The following UBR2 variants were observed in gnomAD, a reference collection of about 807,000 sequenced individuals.
UBR2 encodes the protein ubiquitin protein ligase E3 component n-recognin 2.
A neutral mutation model predicts 247.9 loss-of-function variants in UBR2; 92 were observed. The observed-to-expected ratio is 0.37, with a 90% CI of 0.31 to 0.44. The LOEUF is 0.44. Among genes scored for constraint, UBR2 ranks in the 20% least tolerant of loss-of-function variants. UBR2 has a pLI of 1.00. For missense variants in UBR2, 1,613 were observed against 2,112.6 expected, an observed-to-expected ratio of 0.76 and a Z score of 4.64; for synonymous variants, 672 against 693.5, an observed-to-expected ratio of 0.97 and a Z score of 0.49.
intron 11 of UBR2, among the ~76,000 whole-genome samples, chr6:42,629,372 G>T (rs1225416527): frequency 1.3e-5 from 2 of 151,546 alleles, no homozygotes; most frequent in Admixed American, 1.3e-4. Context: ...AATTAAGAAA[G>T]GCCAGGCACA....
In UBR2 at chr6:42,564,235, A is replaced by T. The variant is rs1266075699; in HGVS notation, c.-85A>T. The T allele has an allele frequency of 6.8e-7, 1 of 1,477,112 alleles. No homozygotes were observed. Among genetic ancestry groups the T allele is most frequent in the East Asian group, 2.4e-5 (1 of 41,230 alleles). The allele number at this position is 1,477,112 out of a possible 1,614,324, so 91.5% of individuals were successfully genotyped here. A position where few individuals can be genotyped will look rare whatever the true frequency, so the allele number is the denominator to read the frequency against. ...GGCTCCGGGACTGATTGCCTGGGGC[A>T]GGGGTGGCAGTCGAGGCCGCCGGGG... On this transcript the variant is annotated 5_prime_UTR_variant, in exon 1 of 47. Coordinates refer to ENST00000372901, the MANE Select transcript of UBR2 (RefSeq NM_001363705.2).
intron 4 of UBR2, among the ~76,000 whole-genome samples, chr6:42,595,846 A>G (rs1310486601): frequency 1.3e-5 from 2 of 152,082 alleles, no homozygotes; most frequent in Admixed American, 6.6e-5. Flanking sequence ...TGCTATGGAA[A>G]ACATGTTTTG....
chr6:42,650,807 A>G (rs1797068986), intron 23 of UBR2, among the ~76,000 whole-genome samples: 2 of 152,178 alleles, frequency 1.3e-5, no homozygotes, highest in Admixed American at 6.5e-5. Flanking sequence ...GTATATGGGT[A>G]TAGTTTTTTA....
chr6:42,640,570 G>A (rs1796383566), intron 16 of UBR2, among the ~76,000 whole-genome samples: 1 of 152,038 alleles, frequency 6.6e-6, no homozygotes, highest in South Asian at 2.1e-4. Flanking sequence ...AGAGACCCAG[G>A]GAAGAGTTGA....
At chr6:42,635,666 A>G in intron 14 of UBR2, 120 bp downstream of exon 14, 1 of 1,237,160 alleles carries the variant, frequency 8.1e-7, no homozygotes, top group Middle Eastern at 2.0e-4. Context: ...TTCATTAAAC[A>G]GCGTATTTTC....
chr6:42,592,768 T>C (rs1242120653), intron 3 of UBR2, among the ~76,000 whole-genome samples: 1 of 152,186 alleles, frequency 6.6e-6, no homozygotes, highest in Non-Finnish European at 1.5e-5. Context: ...TAAAACAGAA[T>C]GGTAGAGAGG....
chr6:42,692,163 T>C lies in UBR2; in HGVS notation c.*990T>C, dbSNP rs955020740. ...CTAAAAGAGTATCCTAATTTTCTTA[T>C]CTGTATTCTTTTAGAATACCCTAAT... On this transcript the variant is annotated 3_prime_UTR_variant, in exon 47 of 47. Coordinates refer to ENST00000372901, the MANE Select transcript of UBR2 (RefSeq NM_001363705.2). The C allele has an allele frequency of 6.6e-6, 1 of 152,230 alleles. No homozygotes were observed. The highest frequency in any genetic ancestry group is 2.4e-5 in the African/African-American group (1 of 41,450). 9.4% of individuals were successfully genotyped at this position (152,230 alleles called of 1,614,324 possible).
intron 43 of UBR2, 113 bp from the exon 44 acceptor site, chr6:42,684,681 G>A (rs1430335533): frequency 1.7e-6 from 1 of 579,980 alleles, no homozygotes; most frequent in Non-Finnish European, 2.9e-6. Context: ...GTAAAGTAGT[G>A]AAAGGCCATA....
At chr6:42,614,234 ACACACACACACG>A (rs376276327) in intron 8 of UBR2, among the ~76,000 whole-genome samples, 19,831 of 82,088 alleles carry the variant, frequency 0.24, 3,279 homozygotes, top group Non-Finnish European at 0.31. Context: ...ACACACACAC[ACACACACACACG>A]CGCGCACATA....
Position 42,644,556 on chromosome 6 carries a change from G to GGCGT in UBR2, c.2284+22_2284+23insGTGC, listed in dbSNP as rs1562350978. The stretch of plus-strand genomic sequence containing the variant: ...TTGTTGGTAAGTTTAAATTGTTTGA[G>GGCGT]GCATTTAATAAATTACACTGACGTT... On this transcript the variant is annotated intron_variant, in intron 20 of 46. Transcript: ENST00000372901. 4 of 1,592,768 alleles carry GGCGT rather than the reference G, an allele frequency of 2.5e-6. No individual in the cohort carries two copies. Among genetic ancestry groups the GGCGT allele is most frequent in the Non-Finnish European group, 3.4e-6 (4 of 1,167,856 alleles).
rs750476978 is a variant in UBR2, at chr6:42,678,660, G to A, written c.4600G>A (p.Asp1534Asn). The stretch of plus-strand genomic sequence containing the variant: ...CTTAAATGGAGTTCCTTCCCCACCC[G>A]ACATTCAAGGTAATTTATACTTTCT... ...HYLNGVPSPP[D>N]IQVPGTSHFE... Residue 1534 changes from aspartate to asparagine, a missense_variant, in exon 41 of 47, where the codon GAC becomes AAC. By Grantham distance (23) the Asp-to-Asn change is conservative. Transcript: ENST00000372901. 163 of 1,610,278 alleles carry A rather than the reference G, an allele frequency of 1.0e-4. No individual in the cohort carries two copies. Among genetic ancestry groups the A allele is most frequent in the Non-Finnish European group, 1.3e-4 (149 of 1,178,784 alleles).
At chr6:42,575,370 A>G (rs1791439570) in intron 2 of UBR2, among the ~76,000 whole-genome samples, 1 of 152,228 alleles carries the variant, frequency 6.6e-6, no homozygotes. Context: ...TTGCTATTAC[A>G]GAAACTACTT....
At chr6:42,565,858 C>T (rs1790749974) in intron 1 of UBR2, among the ~76,000 whole-genome samples, 1 of 152,072 alleles carries the variant, frequency 6.6e-6, no homozygotes. Context: ...CTGCGCCCTG[C>T]CTTGGTGTGT....
chr6:42,604,252 TA>T (rs1793558157), intron 5 of UBR2, among the ~76,000 whole-genome samples: 1 of 152,174 alleles, frequency 6.6e-6, no homozygotes, highest in Non-Finnish European at 1.5e-5. Context: ...CTGCCACAGA[TA>T]TATTAAGATG....
intron 36 of UBR2, 58 bp downstream of exon 36, chr6:42,670,773 C>A: frequency 2.1e-6 from 3 of 1,404,598 alleles, no homozygotes; most frequent in Admixed American, 2.1e-5. Flanking sequence ...GGTGGTTCTG[C>A]TGCTTTTAAT....
At chr6:42,594,489 T>C (rs6928207) in intron 4 of UBR2, among the ~76,000 whole-genome samples, 185 bp downstream of exon 4, 3,604 of 152,322 alleles carry the variant, frequency 0.024, 126 homozygotes, top group African/African-American at 0.081. Flanking sequence ...AGTTGAAATT[T>C]GGGAAATTTC....
chr6:42,606,463 A>AAT, intron 6 of UBR2, 126 bp from the exon 7 acceptor site: 2 of 785,922 alleles, frequency 2.5e-6, no homozygotes, highest in Non-Finnish European at 4.1e-6. Context: ...AATGAGTAGG[A>AAT]TGAGCATTGT....
intron 2 of UBR2, among the ~76,000 whole-genome samples, chr6:42,588,369 T>C (rs534382954): frequency 1.1e-4 from 16 of 152,282 alleles, no homozygotes; most frequent in African/African-American, 3.6e-4. Flanking sequence ...TTCATTAAAC[T>C]TTGTCGAATT....
At chr6:42,664,149 AAAAAT>A (rs1362445779) in intron 32 of UBR2, 2 of 151,716 alleles carry the variant, frequency 1.3e-5, no homozygotes, top group Non-Finnish European at 2.9e-5. Flanking sequence ...ACCCTGTCTC[AAAAAT>A]AAAATAAGTG....
Sources: allele counts gnomAD v4.1 joint callset (sites outside exome capture counted in the v4.1 genomes callset), GRCh38; gene constraint gnomAD v4.1.1; transcripts MANE v1.5; gene names NCBI Gene and HGNC (gene_info 2026-07-23, HGNC 2026-07-21).